NCR1: variants seen among roughly 807,000 people sequenced by gnomAD.
NCR1 encodes natural cytotoxicity triggering receptor 1.
A neutral mutation model predicts 32.5 loss-of-function variants in NCR1; 30 were observed. The observed-to-expected ratio is 0.92, with a 90% CI of 0.69 to 1.25. The LOEUF (loss-of-function observed/expected upper bound fraction) is 1.25, where lower values mean the gene tolerates loss of function less well. Ranked by LOEUF, NCR1 falls within the 50% of genes most tolerant of loss-of-function variation. The pLI is 0.00. For missense variants in NCR1, 369 were observed against 380.7 expected (o/e 0.97, Z 0.26); for synonymous variants, 169 against 143.4 (o/e 1.18, Z -1.28).
the NCR1 span, chr19:54,923,938 A>T: frequency 6.5e-7 from 1 of 1,548,998 alleles, no homozygotes; most frequent in Non-Finnish European, 8.9e-7. Flanking sequence ...ATGCCTGAAT[A>T]TCTGTTTTCA....
chr19:54,915,655 T>C (rs1172035861), downstream of NCR1: 1 of 149,370 alleles, frequency 6.7e-6, no homozygotes, highest in Non-Finnish European at 1.5e-5. Flanking sequence ...CCTCTCAAAA[T>C]AAATAAACTG....
the NCR1 span, chr19:54,934,673 G>A: frequency 8.1e-6 from 13 of 1,609,438 alleles, no homozygotes; most frequent in Non-Finnish European, 9.3e-6. The surrounding 1 kb of genome is among the most constrained non-coding windows in gnomAD (Gnocchi z 6.7). Flanking sequence ...TGAAAAGAGT[G>A]GGAAAAGTCA....
chr19:54,934,637 G>A, the NCR1 span: 14 of 1,613,650 alleles, frequency 8.7e-6, no homozygotes, highest in South Asian at 1.4e-4. This position sits in a 1 kb window ranked among gnomAD's most constrained non-coding sequence, Gnocchi z 6.7. Context: ...CACTGCTCCG[G>A]GGTGGCACAG....
chr19:54,903,309 TATACATAC>T (rs1569535491), upstream of NCR1, among the ~76,000 whole-genome samples: 1,569 of 129,342 alleles, frequency 0.012, 10 homozygotes, highest in Non-Finnish European at 0.017. Flanking sequence ...TACGTATATG[TATACATAC>T]ATGTATATAT....
At chr19:54,910,132 C>A in intron 5 of NCR1, 67 bp downstream of exon 5, 13 of 1,497,836 alleles carry the variant, frequency 8.7e-6, no homozygotes, top group Non-Finnish European at 1.1e-5. Context: ...AAAAACGTGG[C>A]ATTCATTCAA....
intron 4 of NCR1, 74 bp from the exon 5 acceptor site, chr19:54,909,934 CAAAAAAAAAA>C (rs11345154): frequency 8.5e-5 from 52 of 611,452 alleles, no homozygotes; most frequent in Middle Eastern, 4.1e-4. Flanking sequence ...GACTCCATCT[CAAAAAAAAAA>C]AAAAAAAAAA....
Position 54,909,528 on chromosome 19 carries a change from G to C in NCR1, c.634+5G>C. ...CAGTGAAGCTCCTGGTCACAGGTGA[G>C]GAAATGCTCAATTCCCCACACCCTT... On this transcript the variant is annotated splice_donor_5th_base_variant and intron_variant, in intron 4 of 6. Transcript: ENST00000291890. 6.2e-7 allele frequency: 1 copy of C among 1,600,458 alleles called. No individual in the cohort carries two copies. The highest frequency in any genetic ancestry group is 8.5e-7 in the Non-Finnish European group (1 of 1,177,942).
chr19:54,908,561 G>A (rs777337207), intron 3 of NCR1, among the ~76,000 whole-genome samples: 8 of 151,984 alleles, frequency 5.3e-5, no homozygotes, highest in African/African-American at 1.2e-4. Context: ...CAGACGGGGC[G>A]GCCGGGCAGA....
downstream of NCR1, among the ~76,000 whole-genome samples, chr19:54,914,335 A>G (rs1457768927): frequency 6.6e-6 from 1 of 151,472 alleles, no homozygotes; most frequent in Non-Finnish European, 1.5e-5. Flanking sequence ...AACATTAGGT[A>G]TATCTCCTAA....
chr19:54,933,495 G>C, the NCR1 span: 5 of 1,561,024 alleles, frequency 3.2e-6, no homozygotes, highest in Non-Finnish European at 3.5e-6. Flanking sequence ...CATTTGAAAT[G>C]AATTAACAAG....
the NCR1 span, among the ~76,000 whole-genome samples, chr19:54,927,241 C>T: frequency 1.3e-5 from 2 of 150,940 alleles, no homozygotes; most frequent in African/African-American, 2.4e-5. Flanking sequence ...ATTAGCCAGG[C>T]ATGGTGGCAG....
chr19:54,919,254 A>T (rs1228548203), downstream of NCR1, among the ~76,000 whole-genome samples: 2 of 152,074 alleles, frequency 1.3e-5, no homozygotes, highest in Non-Finnish European at 2.9e-5. Flanking sequence ...GGCCCGGGGG[A>T]CCACTACCAC....
At chr19:54,923,637 C>G in the NCR1 span, 12 of 1,332,738 alleles carry the variant, frequency 9.0e-6, no homozygotes, top group African/African-American at 1.4e-5. Flanking sequence ...TACCTCTCGA[C>G]AGACTCTAGT....
At chr19:54,925,021 G>A in the NCR1 span, among the ~76,000 whole-genome samples, 1 of 152,120 alleles carries the variant, frequency 6.6e-6, no homozygotes, top group African/African-American at 2.4e-5. Context: ...GTTAATGATA[G>A]CAAACTTGGC....
In NCR1 at chr19:54,906,542, C is replaced by T. The variant is rs958758276; in HGVS notation, c.90C>T (p.Phe30=). Residue 30 remains phenylalanine, a synonymous_variant, in exon 3 of 7, where the codon TTC becomes TTT. Coordinates refer to ENST00000291890, the MANE Select transcript of NCR1 (RefSeq NM_004829.7). The part of the protein sequence containing the change: ...SAQQQTLPKP[F]IWAEPHFMVP... ...TTCCAGAGACTCTCCCAAAACCGTT[C>T]ATCTGGGCCGAGCCCCATTTCATGG... 6.2e-7 allele frequency: 1 copy of T among 1,609,598 alleles called. No individual in the cohort carries two copies. Among genetic ancestry groups the T allele is most frequent in the Non-Finnish European group, 8.5e-7 (1 of 1,179,988 alleles).
chr19:54,926,205 G>GGAGT, the NCR1 span, among the ~76,000 whole-genome samples: 1 of 143,642 alleles, frequency 7.0e-6, no homozygotes, highest in African/African-American at 2.5e-5. Context: ...AATGATTAGG[G>GGAGT]GTGTGTGTGT....
At chr19:54,927,792 T>G in the NCR1 span, 21 of 1,612,022 alleles carry the variant, frequency 1.3e-5, no homozygotes, top group Middle Eastern at 3.3e-4. Context: ...AGGAAGAACA[T>G]GGAAATCCAC....
chr19:54,919,429 CGAGGCAGA>C (rs1347147503), downstream of NCR1, among the ~76,000 whole-genome samples: 4 of 150,518 alleles, frequency 2.7e-5, no homozygotes, highest in Admixed American at 6.6e-5. Context: ...GCCTGGCAGC[CGAGGCAGA>C]GAGGGAGAGG....
the NCR1 span, among the ~76,000 whole-genome samples, chr19:54,927,211 A>C: frequency 2.0e-5 from 3 of 151,924 alleles, no homozygotes; most frequent in African/African-American, 7.3e-5. Flanking sequence ...CAACATGGTG[A>C]AACCCCTCTC....
Sources: gnomAD v4.1 joint callset for allele counts (sites outside exome capture counted in the v4.1 genomes callset) on GRCh38, gnomAD v4.1.1 for gene constraint, Gnocchi (gnomAD v3.1) non-coding constraint, MANE v1.5 for transcripts, NCBI Gene and HGNC (gene_info 2026-07-23, HGNC 2026-07-21) for gene names.